MALRD1: variants seen among roughly 807,000 people sequenced by gnomAD.
MALRD1 encodes MAM and LDL receptor class A domain containing 1.
MALRD1 carries 247 observed loss-of-function variants against 242.1 expected under a neutral mutation model. The ratio of observed to expected loss-of-function variants is 1.02; its 90% CI spans 0.92 to 1.13. The LOEUF (loss-of-function observed/expected upper bound fraction) is 1.13. Ranked by LOEUF, MALRD1 falls within the 50% of genes most tolerant of loss-of-function variation. MALRD1 has a pLI of 0.00. For synonymous variants in MALRD1, 995 were observed against 866.6 expected (o/e 1.15, Z -2.60); for missense variants, 2,989 against 2,533.1 (o/e 1.18, Z -3.86).
At chr10:19,335,552 A>G (rs143555346) in intron 24 of MALRD1, among the ~76,000 whole-genome samples, 2 of 152,232 alleles carry the variant, frequency 1.3e-5, no homozygotes, top group East Asian at 1.9e-4. Context: ...GAAGAGAAAG[A>G]CAATATTAAA....
At chr10:19,553,324 T>A (rs1333027281) in intron 32 of MALRD1, among the ~76,000 whole-genome samples, 1 of 152,190 alleles carries the variant, frequency 6.6e-6, no homozygotes, top group Admixed American at 6.6e-5. Context: ...TATGGATATA[T>A]GTATATATTG....
intron 31 of MALRD1, among the ~76,000 whole-genome samples, chr10:19,523,680 C>T (rs1404913130): frequency 3.9e-5 from 6 of 152,072 alleles, no homozygotes; most frequent in South Asian, 2.1e-4. Flanking sequence ...GAAATGGCAA[C>T]GAATTTCACT....
chr10:19,136,220 T>C (rs185167254), intron 9 of MALRD1, among the ~76,000 whole-genome samples: 51 of 152,300 alleles, frequency 3.3e-4, no homozygotes, highest in African/African-American at 1.2e-3. Flanking sequence ...GCTGTAAAGA[T>C]GATGACCAAG....
At chr10:19,722,172 C>T (rs1834789949) in intron 38 of MALRD1, 1 of 152,182 alleles carries the variant, frequency 6.6e-6, no homozygotes, top group Non-Finnish European at 1.5e-5. Flanking sequence ...AGACATGTTC[C>T]TTATCCCTCA....
At chr10:19,373,490 G>A (rs1413143513) in intron 26 of MALRD1, among the ~76,000 whole-genome samples, 1 of 151,658 alleles carries the variant, frequency 6.6e-6, no homozygotes, top group Admixed American at 6.6e-5. Flanking sequence ...CTGCACTCCA[G>A]CCTGGGTGAC....
intron 35 of MALRD1, among the ~76,000 whole-genome samples, chr10:19,614,101 T>C (rs1045552283): frequency 2.6e-5 from 4 of 152,018 alleles, no homozygotes. Context: ...AAAGTCAACA[T>C]TTATTAAACT....
At chr10:19,241,384 C>A (rs1185732770) in intron 18 of MALRD1, among the ~76,000 whole-genome samples, 1 of 152,018 alleles carries the variant, frequency 6.6e-6, no homozygotes, top group Non-Finnish European at 1.5e-5. Context: ...TAATGTCTTA[C>A]AATCCCTTAT....
chr10:19,462,425 T>G (rs913911063), intron 29 of MALRD1, among the ~76,000 whole-genome samples: 2 of 152,246 alleles, frequency 1.3e-5, no homozygotes, highest in Non-Finnish European at 2.9e-5. Context: ...CCCACAATTT[T>G]GCATCTCCTT....
At chr10:19,461,491 A>G (rs1835939588) in intron 29 of MALRD1, among the ~76,000 whole-genome samples, 1 of 152,330 alleles carries the variant, frequency 6.6e-6, no homozygotes, top group African/African-American at 2.4e-5. Flanking sequence ...ATGTAAAGGT[A>G]CAAGGAATCA....
intron 38 of MALRD1, among the ~76,000 whole-genome samples, chr10:19,706,745 G>T (rs1041467586): frequency 6.6e-6 from 1 of 152,148 alleles, no homozygotes; most frequent in African/African-American, 2.4e-5. Flanking sequence ...GACAGAGAAG[G>T]ATAGCAGTTG....
At chr10:19,059,998 G>A (rs558107612) in intron 1 of MALRD1, among the ~76,000 whole-genome samples, 2 of 152,236 alleles carry the variant, frequency 1.3e-5, no homozygotes, top group Admixed American at 6.5e-5. Context: ...AGTCAATATC[G>A]GCAAGAAAAG....
rs1413414516 is a variant in MALRD1 at position 19,161,913 on chromosome 10, A to T, written c.1657-3724A>T. Among the ~76,000 whole-genome samples the T allele has an allele frequency of 4.6e-5, 7 of 152,256 alleles. No homozygotes were observed. In the East Asian group the frequency reaches 1.4e-3, roughly 29 times the overall value. On this transcript the variant is annotated intron_variant, in intron 12 of 39. Coordinates refer to ENST00000454679, the MANE Select transcript of MALRD1 (RefSeq NM_001142308.3). ...CGTGGTAGCACGTGCCTGTAGTCCC[A>T]GCTACTCTGGAGGCTGAGGCAGGAG...
At chr10:19,334,463 A>C (rs1843520440) in intron 24 of MALRD1, among the ~76,000 whole-genome samples, 1 of 151,790 alleles carries the variant, frequency 6.6e-6, no homozygotes, top group Non-Finnish European at 1.5e-5. Context: ...TGTTTGAGAG[A>C]TGATAAGTGT....
chr10:19,579,490 A>T (rs12774709), intron 33 of MALRD1, among the ~76,000 whole-genome samples: 6,587 of 152,260 alleles, frequency 0.043, 237 homozygotes, highest in Middle Eastern at 0.1. Context: ...TAAGAGAAAG[A>T]TCTGATTATG....
At chr10:19,564,293 C>T (rs1188008610) in intron 32 of MALRD1, among the ~76,000 whole-genome samples, 4 of 152,016 alleles carry the variant, frequency 2.6e-5, no homozygotes, top group Non-Finnish European at 5.9e-5. Flanking sequence ...TTAACATAGA[C>T]TTAATTTGAT....
intron 2 of MALRD1, among the ~76,000 whole-genome samples, chr10:19,087,337 T>A (rs1006961017): frequency 6.6e-6 from 1 of 152,094 alleles, no homozygotes; most frequent in South Asian, 2.1e-4. Context: ...AATCATATTA[T>A]AGGGAGTATA....
chr10:19,113,172 C>G (rs1440363114), intron 5 of MALRD1, among the ~76,000 whole-genome samples: 1 of 152,048 alleles, frequency 6.6e-6, no homozygotes, highest in Non-Finnish European at 1.5e-5. Flanking sequence ...ATAACAGACA[C>G]CTATGGCCAG....
intron 14 of MALRD1, among the ~76,000 whole-genome samples, chr10:19,200,768 G>A (rs1051126478): frequency 1.3e-5 from 2 of 148,780 alleles, no homozygotes; most frequent in Non-Finnish European, 3.0e-5. Context: ...ATCCCCTGAC[G>A]CCTTTTCTCC....
At chr10:19,682,182 A>G (rs1448645800) in intron 36 of MALRD1, among the ~76,000 whole-genome samples, 1 of 152,158 alleles carries the variant, frequency 6.6e-6, no homozygotes, top group Non-Finnish European at 1.5e-5. Context: ...GTTCCTACCA[A>G]ATTAATCGTG....
Sources: gnomAD v4.1 joint callset for allele counts (sites outside exome capture counted in the v4.1 genomes callset) on GRCh38, gnomAD v4.1.1 for gene constraint, MANE v1.5 for transcripts, NCBI Gene and HGNC (gene_info 2026-07-23, HGNC 2026-07-21) for gene names.